The following CTBP2 variants were observed in gnomAD, a reference collection of about 807,000 sequenced individuals.
The protein encoded by CTBP2 is C-terminal binding protein 2.
CTBP2 carries 30 observed loss-of-function variants against 80.3 expected under a neutral mutation model. The ratio of observed to expected loss-of-function variants is 0.37; its 90% CI spans 0.28 to 0.51. CTBP2 has a LOEUF of 0.51. Among genes scored for constraint, CTBP2 ranks in the 20% least tolerant of loss-of-function variants. The pLI is 0.93. For missense variants in CTBP2, 1,212 were observed against 1,375.3 expected (o/e 0.88, Z 1.88); for synonymous variants, 594 against 587.4 (o/e 1.01, Z -0.16).
chr10:125,033,472 C>T (rs1046032518), intron 3 of CTBP2, among the ~76,000 whole-genome samples: 7 of 152,102 alleles, frequency 4.6e-5, no homozygotes, highest in Admixed American at 1.3e-4. Flanking sequence ...TAACACTGTA[C>T]GTTCTGGAAA....
At chr10:125,001,468 T>C (rs1954496150) in intron 3 of CTBP2, 1 of 152,206 alleles carries the variant, frequency 6.6e-6, no homozygotes, top group South Asian at 2.1e-4. Flanking sequence ...AATTTTAGTT[T>C]ATATTAAACA....
At position 124,987,807 on chromosome 10, in the gene CTBP2, GT is replaced by G; in HGVS notation, c.*1710del. ...AAGTATAAGGAAGAGCTCAGAGGGA[GT>G]TTCATACCTGGAATTGTTGGACTTA... On this transcript the variant is annotated 3_prime_UTR_variant, in exon 9 of 9. Transcript: ENST00000309035. 2 of 152,302 alleles carry G rather than the reference GT, an allele frequency of 1.3e-5. No individual in the cohort carries two copies. Among genetic ancestry groups the G allele is most frequent in the Admixed American group, 1.3e-4 (2 of 15,304 alleles). 9.4% of individuals were successfully genotyped at this position (152,302 alleles called of 1,614,324 possible).
At chr10:124,994,355 G>T in intron 5 of CTBP2, 114 bp downstream of exon 7, 2 of 1,040,588 alleles carry the variant, frequency 1.9e-6, no homozygotes, top group Non-Finnish European at 2.9e-6. Flanking sequence ...CCTCTTCCCT[G>T]CTCAACAGTG....
intron 1 of CTBP2, among the ~76,000 whole-genome samples, chr10:125,112,999 G>A (rs1012027361): frequency 2.6e-5 from 4 of 152,128 alleles, no homozygotes; most frequent in African/African-American, 9.7e-5. Flanking sequence ...CTAGAACCAA[G>A]TCACTGGCAG....
intron 1 of CTBP2, among the ~76,000 whole-genome samples, chr10:125,120,979 C>CCT (rs1854230803): frequency 6.6e-6 from 1 of 152,234 alleles, no homozygotes; most frequent in Admixed American, 6.5e-5. Flanking sequence ...ATGACCTCAC[C>CCT]CTCAACCCTT....
At chr10:124,997,469 T>C in intron 4 of CTBP2, 1 of 165,430 alleles carries the variant, frequency 6.0e-6, no homozygotes, top group African/African-American at 2.4e-5. Flanking sequence ...TTCCTGCCCC[T>C]CTCTCAGGAG....
intron 1 of CTBP2, among the ~76,000 whole-genome samples, chr10:125,113,593 C>T (rs757633957): frequency 1.4e-4 from 22 of 152,092 alleles, no homozygotes; most frequent in African/African-American, 4.1e-4. Flanking sequence ...AGGAAGTAGT[C>T]CCTTTTGGAA....
intron 1 of CTBP2, among the ~76,000 whole-genome samples, chr10:125,138,478 G>A (rs1857295799): frequency 6.6e-6 from 1 of 152,146 alleles, no homozygotes; most frequent in African/African-American, 2.4e-5. Context: ...TTCAGAAACA[G>A]CGGAAGATGG....
chr10:125,031,230 T>A (rs1958153195), upstream of CTBP2, among the ~76,000 whole-genome samples: 1 of 152,178 alleles, frequency 6.6e-6, no homozygotes, highest in Admixed American at 6.5e-5. Context: ...GGCTCATGCC[T>A]GTAATCCCAG....
chr10:125,072,156 A>G (rs924592337), intron 2 of CTBP2, among the ~76,000 whole-genome samples: 22 of 152,256 alleles, frequency 1.4e-4, no homozygotes, highest in African/African-American at 5.1e-4. Context: ...TACTAAAAAT[A>G]CAAAAATTAG....
In CTBP2 at chr10:124,984,626, A is replaced by C; in HGVS notation, c.*4892T>G. ...GAGCAAACTGGACTTTAATCACAAA[A>C]CTTCCAAGAGGTCAAAACCATGTGA... On this transcript the variant is annotated 3_prime_UTR_variant, in exon 9 of 9. Coordinates refer to ENST00000309035, the MANE Select transcript of CTBP2 (RefSeq NM_022802.3). The C allele has an allele frequency of 1.4e-6, 1 of 738,990 alleles. No individual in the cohort carries two copies. The allele number at this position is 738,990 out of a possible 1,614,324, so 45.8% of individuals were successfully genotyped here.
intron 2 of CTBP2, among the ~76,000 whole-genome samples, chr10:125,086,654 C>T (rs1191211992): frequency 6.7e-6 from 1 of 150,298 alleles, no homozygotes; most frequent in Non-Finnish European, 1.5e-5. Context: ...CTCATTTGAC[C>T]CTTCCACATA....
intron 1 of CTBP2, chr10:125,005,754 C>T: frequency 1.2e-6 from 2 of 1,612,914 alleles, no homozygotes; most frequent in Non-Finnish European, 1.7e-6. Flanking sequence ...CTCTTCTGGC[C>T]CCTACTTGAG....
intron 1 of CTBP2, among the ~76,000 whole-genome samples, chr10:125,145,303 A>G (rs1006345280): frequency 6.6e-6 from 1 of 152,014 alleles, no homozygotes; most frequent in African/African-American, 2.4e-5. Context: ...CTCCATCGGG[A>G]CGAAGGGTGG....
chr10:125,061,407 C>A (rs190657855), intron 2 of CTBP2, among the ~76,000 whole-genome samples: 5,950 of 152,206 alleles, frequency 0.039, 397 homozygotes, highest in African/African-American at 0.13. Context: ...CTGCTCCACA[C>A]CCCTAGCTGC....
Position 125,026,166 on chromosome 10 carries a change from G to C in CTBP2, c.1594C>G (p.His532Asp). The C allele has an allele frequency of 6.2e-7, 1 of 1,611,344 alleles. No homozygotes were observed. The highest frequency in any genetic ancestry group is 8.5e-7 in the Non-Finnish European group (1 of 1,178,120). Residue 532 changes from histidine (H) to aspartate (D), a missense_variant, in exon 1 of 9, where the codon CAC becomes GAC. Physicochemically the swap from His to Asp is moderately conservative, Grantham distance 81 (BLOSUM62 -1). This residue lies in a region of CTBP2 where 848 missense variants were observed against 782.3 expected (regional missense o/e 1.08). Coordinates refer to ENST00000309035, the MANE Select transcript of CTBP2 (RefSeq NM_022802.3). ...TTCTGGTACGGTGAGTGAGGCGTGT[G>C]GAGGCTCTGGCTGGCCGGCGGCAGG...
intron 3 of CTBP2, among the ~76,000 whole-genome samples, chr10:125,034,085 AG>A (rs1347524167): frequency 1.3e-5 from 2 of 152,218 alleles, no homozygotes; most frequent in Non-Finnish European, 2.9e-5. Context: ...GTGAGTATGA[AG>A]ACATCCGCCC....
At chr10:125,130,292 C>G (rs989760543) in intron 1 of CTBP2, among the ~76,000 whole-genome samples, 2 of 152,098 alleles carry the variant, frequency 1.3e-5, no homozygotes, top group Non-Finnish European at 2.9e-5. Flanking sequence ...AGGTGATCCA[C>G]GCACCTCTGC....
intron 2 of CTBP2, among the ~76,000 whole-genome samples, chr10:125,045,953 C>T (rs554837595): frequency 1.2e-3 from 177 of 152,214 alleles, no homozygotes; most frequent in South Asian, 1.9e-3. Flanking sequence ...GCCCCACCCT[C>T]TAATTCCCTA....
Sources: gnomAD v4.1 joint callset for allele counts (sites outside exome capture counted in the v4.1 genomes callset) on GRCh38, gnomAD v4.1.1 for gene constraint, gnomAD v4.1.1 regional missense constraint, MANE v1.5 for transcripts, NCBI Gene and HGNC (gene_info 2026-07-23, HGNC 2026-07-21) for gene names.